Variants in ELMO1 observed in about 807,000 individuals in gnomAD.
ELMO1 encodes engulfment and cell motility 1.
ELMO1 carries 26 observed loss-of-function variants against 98.9 expected under a neutral mutation model. The observed-to-expected ratio is 0.26, with a 90% CI of 0.19 to 0.36. ELMO1 has a LOEUF of 0.36. Ranked by LOEUF, ELMO1 falls within the 10% of genes least tolerant of loss-of-function variation. ELMO1 has a pLI of 1.00. For synonymous variants in ELMO1, 346 were observed against 346.0 expected, an observed-to-expected ratio of 1.00 and a Z score of 0.00; for missense variants, 627 against 935.2, an observed-to-expected ratio of 0.67 and a Z score of 4.30.
At chr7:37,123,169 C>A (rs2129289713) in intron 14 of ELMO1, among the ~76,000 whole-genome samples, 1 of 152,146 alleles carries the variant, frequency 6.6e-6, no homozygotes. Context: ...AATAAATGCC[C>A]ACAAGAGAAA....
At chr7:37,106,432 G>T (rs977024049) in intron 14 of ELMO1, among the ~76,000 whole-genome samples, 10 of 152,072 alleles carry the variant, frequency 6.6e-5, no homozygotes, top group Admixed American at 1.3e-4. Flanking sequence ...TCCTCCAGAG[G>T]ATGCAGCGCC....
In ELMO1 at chr7:36,855,868, C is replaced by A. The variant is rs1016597480; in HGVS notation, c.1984-117G>T. 15 of 1,147,642 alleles carry A rather than the reference C, an allele frequency of 1.3e-5. No individual in the cohort carries two copies. Among genetic ancestry groups the A allele is most frequent in the Non-Finnish European group, 1.9e-5 (15 of 797,050 alleles). 71.1% of individuals were successfully genotyped at this position (1,147,642 alleles called of 1,614,324 possible). A position where few individuals can be genotyped will look rare whatever the true frequency, so the allele number is the denominator to read the frequency against. ...AGTAGGCTGTGCGCTAAGGGCTCTG[C>A]CTACTTCGTCATTTCATATTTGGCG... On this transcript the variant is annotated intron_variant, in intron 21 of 21. Transcript: ENST00000310758. This position sits in a 1 kb window ranked among gnomAD's most constrained non-coding sequence, Gnocchi z 4.2.
At chr7:37,304,334 G>A (rs1045426714) in intron 4 of ELMO1, among the ~76,000 whole-genome samples, 2 of 152,158 alleles carry the variant, frequency 1.3e-5, no homozygotes, top group African/African-American at 4.8e-5. Context: ...AGGACAATCT[G>A]AGGAGGGTGT....
chr7:37,288,251 T>G (rs1797499684), intron 4 of ELMO1, among the ~76,000 whole-genome samples: 1 of 146,668 alleles, frequency 6.8e-6, no homozygotes. Flanking sequence ...TGAGATGGAG[T>G]TTCACTCTTG....
At chr7:37,371,843 G>A (rs1039018198) in intron 1 of ELMO1, among the ~76,000 whole-genome samples, 1 of 152,166 alleles carries the variant, frequency 6.6e-6, no homozygotes, top group Admixed American at 6.5e-5. Flanking sequence ...GATGAGTTGC[G>A]AAGAGCAGCC....
chr7:37,124,313 G>A (rs1437974590), intron 14 of ELMO1, among the ~76,000 whole-genome samples: 1 of 152,070 alleles, frequency 6.6e-6, no homozygotes, highest in African/African-American at 2.4e-5. Flanking sequence ...AGAAATAAAG[G>A]GTATTCAATT....
chr7:36,994,968 A>C (rs1003524217), intron 16 of ELMO1, among the ~76,000 whole-genome samples: 1 of 152,222 alleles, frequency 6.6e-6, no homozygotes, highest in African/African-American at 2.4e-5. Context: ...TGGAATGTCA[A>C]GATAAAGAAA....
In ELMO1 at chr7:37,081,468, C is replaced by T. The variant is rs182966215; in HGVS notation, c.1300+15151G>A. On this transcript the variant is annotated intron_variant, in intron 15 of 21. Transcript: ENST00000310758. ...TGATATGGTTTGGCTGTGTCCCCAC[C>T]CAAATCTCATCTTGAATTTTAGCTT... is the stretch of plus-strand genomic sequence containing the variant. Among the ~76,000 whole-genome samples the T allele has an allele frequency of 8.3e-4, 126 of 152,322 alleles. No homozygotes were observed. In the Middle Eastern group the frequency reaches 0.01, roughly 12 times the overall value.
In ELMO1 at chr7:37,002,089, G is replaced by A. The variant is rs185996643; in HGVS notation, c.1437+11210C>T. The A allele has an allele frequency of 1.8e-4, 28 of 152,362 alleles. No homozygotes were observed. The East Asian group carries it at 5.2e-3, about 28-fold the overall frequency. 9.4% of individuals were successfully genotyped at this position (152,362 alleles called of 1,614,324 possible). ...ATTCACAGATCTACAGGTCAGCTGA[G>A]GTGGCTCTTTCAAGCTCTGTGGGCT... On this transcript the variant is annotated intron_variant, in intron 16 of 21. Transcript: ENST00000310758.
At chr7:37,171,273 C>G (rs572023250) in intron 13 of ELMO1, among the ~76,000 whole-genome samples, 2 of 151,964 alleles carry the variant, frequency 1.3e-5, no homozygotes, top group South Asian at 4.1e-4. Context: ...ATTTAAATAA[C>G]AGGAGGTGCT....
intron 16 of ELMO1, among the ~76,000 whole-genome samples, chr7:36,935,609 C>T (rs1306507674): frequency 6.6e-6 from 1 of 152,180 alleles, no homozygotes; most frequent in Non-Finnish European, 1.5e-5. Context: ...AGCACAGGCA[C>T]CCCCAGAATT....
chr7:37,271,703 T>A (rs530592070), intron 5 of ELMO1, 129 bp downstream of exon 5: 2 of 926,734 alleles, frequency 2.2e-6, no homozygotes, highest in Non-Finnish European at 1.7e-6. Context: ...AGAATCTGCA[T>A]GTCAGGACAT....
At chr7:37,379,766 T>C (rs918208858) in intron 1 of ELMO1, among the ~76,000 whole-genome samples, 1 of 152,218 alleles carries the variant, frequency 6.6e-6, no homozygotes, top group Non-Finnish European at 1.5e-5. Context: ...AGACTTCTCC[T>C]AAATCTGATT....
At chr7:37,362,211 G>A (rs886167105) in intron 1 of ELMO1, among the ~76,000 whole-genome samples, 5 of 142,216 alleles carry the variant, frequency 3.5e-5, no homozygotes, top group Non-Finnish European at 7.7e-5. Context: ...CAATAGAAAT[G>A]TATATGATAT....
intron 4 of ELMO1, among the ~76,000 whole-genome samples, chr7:37,292,378 G>A (rs1408990530): frequency 1.2e-5 from 1 of 83,332 alleles, no homozygotes. Context: ...ACCCCGTCTG[G>A]GAAGTGAGGA....
intron 9 of ELMO1, among the ~76,000 whole-genome samples, chr7:37,223,177 A>G (rs752837677): frequency 2.0e-5 from 3 of 152,248 alleles, no homozygotes; most frequent in Non-Finnish European, 2.9e-5. Context: ...AAACATTTCA[A>G]TAACAAAAAG....
rs114774280 is a variant in ELMO1 at position 37,080,747 on chromosome 7, G to A, written c.1300+15872C>T. ...ATTGCAGGTGTGAGTCACTGTGCCC[G>A]GCCACCCTCTAGCCTACTCTTATAC... On this transcript the variant is annotated intron_variant, in intron 15 of 21. Transcript: ENST00000310758. Among the ~76,000 whole-genome samples the A allele has an allele frequency of 2.8e-3, 419 of 151,428 alleles. 2 individuals carry two copies. Among genetic ancestry groups the A allele is most frequent in the African/African-American group, 9.7e-3 (399 of 41,256 alleles).
chr7:36,949,915 T>C (rs1321714032), intron 16 of ELMO1, among the ~76,000 whole-genome samples: 2 of 152,328 alleles, frequency 1.3e-5, no homozygotes, highest in South Asian at 2.1e-4. Context: ...TGCAAACATC[T>C]TTCCAAAGCA....
At chr7:37,279,355 C>T (rs1413034053) in intron 4 of ELMO1, among the ~76,000 whole-genome samples, 1 of 152,182 alleles carries the variant, frequency 6.6e-6, no homozygotes, top group Non-Finnish European at 1.5e-5. Context: ...GACTAGATTG[C>T]AGCTCCGGAC....
Sources: allele counts gnomAD v4.1 joint callset (sites outside exome capture counted in the v4.1 genomes callset), GRCh38; gene constraint gnomAD v4.1.1; non-coding constraint Gnocchi (gnomAD v3.1); transcripts MANE v1.5; gene names NCBI Gene and HGNC (gene_info 2026-07-23, HGNC 2026-07-21).